DLGAP2: variants seen among roughly 807,000 people sequenced by gnomAD.
The protein encoded by DLGAP2 is DLG associated protein 2, also known as disks large-associated protein 2.
A neutral mutation model predicts 100.3 loss-of-function variants in DLGAP2; 26 were observed. The ratio of observed to expected loss-of-function variants is 0.26; its 90% CI spans 0.19 to 0.36. The LOEUF (loss-of-function observed/expected upper bound fraction) is 0.36. Among genes scored for constraint, DLGAP2 ranks in the 10% least tolerant of loss-of-function variants. The probability of loss-of-function intolerance (pLI) is 1.00; values close to 1 mark genes in which losing one functional copy is unlikely to be tolerated. For synonymous variants in DLGAP2, 886 were observed against 630.1 expected (o/e 1.41, Z -6.08); for missense variants, 1,858 against 1,453.2 (o/e 1.28, Z -4.53).
chr8:1,188,922 G>C (rs932688167), intron 2 of DLGAP2, among the ~76,000 whole-genome samples: 1 of 152,236 alleles, frequency 6.6e-6, no homozygotes, highest in Non-Finnish European at 1.5e-5. Flanking sequence ...AGGTTGCCTT[G>C]TGGTGCGGCT....
chr8:1,706,515 G>A lies in DLGAP2; in HGVS notation c.*5109G>A, dbSNP rs1346711678. On this transcript the variant is annotated 3_prime_UTR_variant, in exon 15 of 15. Coordinates refer to ENST00000637795, the MANE Select transcript of DLGAP2 (RefSeq NM_001346810.2). ...AGATAATCAGGGACCACCAGAGGCAGAGGCCATGAGACTGTCTTTGGAAAG... is the reference window on the plus strand; with the variant it reads ...AGATAATCAGGGACCACCAGAGGCAAAGGCCATGAGACTGTCTTTGGAAAG... 1 of 152,206 alleles carries A rather than the reference G, an allele frequency of 6.6e-6. No homozygotes were observed. Among genetic ancestry groups the A allele is most frequent in the Non-Finnish European group, 1.5e-5 (1 of 68,046 alleles). The allele number at this position is 152,206 out of a possible 1,614,324, so 9.4% of individuals were successfully genotyped here.
intron 3 of DLGAP2, among the ~76,000 whole-genome samples, chr8:1,264,846 T>C (rs1304236172): frequency 6.6e-6 from 1 of 152,104 alleles, no homozygotes; most frequent in African/African-American, 2.4e-5. Context: ...TGGGAGGTAA[T>C]TGAATCATGA....
chr8:1,377,800 A>G (rs1335087191), intron 3 of DLGAP2: 1 of 152,284 alleles, frequency 6.6e-6, no homozygotes, highest in Non-Finnish European at 1.5e-5. Context: ...TTTGTGATGT[A>G]AGAATCCAGC....
intron 8 of DLGAP2, among the ~76,000 whole-genome samples, chr8:1,636,106 A>C (rs1161532149): frequency 6.6e-6 from 1 of 152,302 alleles, no homozygotes; most frequent in African/African-American, 2.4e-5. Context: ...CATCTAACTC[A>C]TTTCACACAT....
intron 2 of DLGAP2, among the ~76,000 whole-genome samples, chr8:1,141,611 G>A (rs780504991): frequency 6.6e-6 from 1 of 152,148 alleles, no homozygotes; most frequent in Non-Finnish European, 1.5e-5. Context: ...TATTTTTCCT[G>A]TGGACATACT....
intron 4 of DLGAP2, among the ~76,000 whole-genome samples, chr8:1,515,370 A>G (rs1800332171): frequency 6.6e-6 from 1 of 152,226 alleles, no homozygotes; most frequent in South Asian, 2.1e-4. Flanking sequence ...GGCAGTCAGC[A>G]TACACATGCA....
chr8:1,139,892 G>C (rs113636891), intron 2 of DLGAP2, among the ~76,000 whole-genome samples: 30 of 152,196 alleles, frequency 2.0e-4, no homozygotes, highest in African/African-American at 7.0e-4. Flanking sequence ...GAGGGAAATC[G>C]GGGGGAAGTG....
chr8:1,455,390 C>A (rs1489989293), intron 3 of DLGAP2, among the ~76,000 whole-genome samples: 1 of 152,214 alleles, frequency 6.6e-6, no homozygotes, highest in Admixed American at 6.5e-5. Flanking sequence ...CCCCCTGCCC[C>A]TCGGGGTCCC....
At chr8:1,341,470 G>C (rs908620452) in intron 3 of DLGAP2, among the ~76,000 whole-genome samples, 3 of 152,138 alleles carry the variant, frequency 2.0e-5, no homozygotes, top group Non-Finnish European at 4.4e-5. Context: ...ACATATAGGC[G>C]TATTTAATGG....
intron 8 of DLGAP2, among the ~76,000 whole-genome samples, chr8:1,666,244 G>T (rs1041521824): frequency 4.1e-4 from 62 of 151,680 alleles, no homozygotes; most frequent in African/African-American, 1.3e-3. Flanking sequence ...AGGAACAAAA[G>T]AAAAAAAGAC....
intron 1 of DLGAP2, among the ~76,000 whole-genome samples, chr8:876,549 T>C (rs1465514926): frequency 1.3e-5 from 2 of 152,226 alleles, no homozygotes; most frequent in African/African-American, 2.4e-5. Context: ...TTTTCTCTTG[T>C]AGCTTTTAAG....
chr8:1,561,389 G>A (rs962617026), intron 5 of DLGAP2, among the ~76,000 whole-genome samples: 7 of 152,270 alleles, frequency 4.6e-5, no homozygotes, highest in Admixed American at 1.3e-4. Flanking sequence ...GGTCATAAAG[G>A]CTTTAGAAGA....
intron 2 of DLGAP2, among the ~76,000 whole-genome samples, chr8:1,084,219 C>G (rs1011563539): frequency 1.3e-5 from 2 of 152,096 alleles, no homozygotes. Context: ...AGTGCTCAGT[C>G]CTTGTGTTTT....
chr8:772,028 G>T (rs530437492), intron 1 of DLGAP2, among the ~76,000 whole-genome samples: 1 of 151,936 alleles, frequency 6.6e-6, no homozygotes, highest in Non-Finnish European at 1.5e-5. Context: ...TCAGCCTCTC[G>T]AGTAGCTGGG....
intron 1 of DLGAP2, among the ~76,000 whole-genome samples, chr8:853,632 C>T (rs1797222254): frequency 6.6e-6 from 1 of 152,240 alleles, no homozygotes; most frequent in South Asian, 2.1e-4. Flanking sequence ...CAGGGCCAGC[C>T]TCGCAAGCAG....
intron 2 of DLGAP2, among the ~76,000 whole-genome samples, chr8:1,164,674 T>G (rs1796979744): frequency 6.6e-6 from 1 of 152,200 alleles, no homozygotes; most frequent in Admixed American, 6.5e-5. Context: ...GAAATTGAGC[T>G]GCATTCTCTG....
At chr8:1,349,784 C>G (rs1270156145) in intron 3 of DLGAP2, among the ~76,000 whole-genome samples, 11 of 152,252 alleles carry the variant, frequency 7.2e-5, no homozygotes, top group Admixed American at 7.2e-4. Flanking sequence ...CCACTGGTGA[C>G]TTTACAGAGA....
At chr8:749,037 T>C (rs1444344949) in intron 1 of DLGAP2, among the ~76,000 whole-genome samples, 1 of 152,230 alleles carries the variant, frequency 6.6e-6, no homozygotes, top group African/African-American at 2.4e-5. Context: ...GCCTTGCTTG[T>C]TACCCAGGCT....
chr8:1,512,740 C>T (rs1276115713), intron 4 of DLGAP2, among the ~76,000 whole-genome samples: 1 of 152,258 alleles, frequency 6.6e-6, no homozygotes, highest in East Asian at 1.9e-4. Flanking sequence ...GTAGAGATCT[C>T]AGACTTCGCA....
Sources: gnomAD v4.1 joint callset for allele counts (sites outside exome capture counted in the v4.1 genomes callset) on GRCh38, gnomAD v4.1.1 for gene constraint, MANE v1.5 for transcripts, NCBI Gene and HGNC (gene_info 2026-07-23, HGNC 2026-07-21) for gene names.